The following PBLD variants were observed in gnomAD, a reference collection of about 807,000 sequenced individuals.
PBLD encodes the protein phenazine biosynthesis like protein domain containing.
A neutral mutation model predicts 31.3 loss-of-function variants in PBLD; 26 were observed. The observed-to-expected ratio is 0.83, with a 90% CI of 0.61 to 1.15. PBLD has a LOEUF of 1.15. PBLD is among the 50% of genes most tolerant of loss of function. The probability of loss-of-function intolerance (pLI) is 0.00; values close to 1 mark genes in which losing one functional copy is unlikely to be tolerated. For missense variants in PBLD, 307 were observed against 351.7 expected (o/e 0.87, Z 1.02); for synonymous variants, 114 against 129.0 (o/e 0.88, Z 0.79).
chr10:68,303,199 G>A (rs1018193153), intron 2 of PBLD, among the ~76,000 whole-genome samples: 17 of 151,800 alleles, frequency 1.1e-4, no homozygotes, highest in African/African-American at 3.4e-4. Context: ...TCAGCCTACC[G>A]AGTAGCTGGG....
intron 1 of PBLD, among the ~76,000 whole-genome samples, chr10:68,328,660 G>A (rs535368861): frequency 5.3e-5 from 8 of 152,330 alleles, no homozygotes; most frequent in African/African-American, 1.7e-4. Flanking sequence ...GCAGTCCTTG[G>A]TTTTAACCAT....
intron 1 of PBLD, among the ~76,000 whole-genome samples, chr10:68,322,867 T>C (rs779908618): frequency 1.8e-4 from 28 of 151,776 alleles, no homozygotes; most frequent in Non-Finnish European, 3.8e-4. Context: ...CTCCATTAAC[T>C]GGGACTACAG....
chr10:68,296,326 C>T lies in PBLD; in HGVS notation c.223G>A (p.Glu75Lys), dbSNP rs1443592017. The T allele has an allele frequency of 3.1e-6, 5 of 1,614,034 alleles. No homozygotes were observed. In the Admixed American group the frequency reaches 5.0e-5, roughly 16 times the overall value. The change falls in exon 4 of 10, where the codon GAG (glutamate) becomes AAG (lysine). Residue 75 changes from glutamate to lysine, a missense_variant. Transcript: ENST00000358769. ...GTGGCATGGCCACAGAGTGGGACCT[C>T]ACTCGCTGGTGTAAACCATCTCAGT... The part of the protein sequence containing the change: ...FGLRWFTPAS[E>K]VPLCGHATLA...
intron 1 of PBLD, among the ~76,000 whole-genome samples, chr10:68,308,728 A>T (rs1235886873): frequency 6.7e-6 from 1 of 149,664 alleles, no homozygotes; most frequent in Non-Finnish European, 1.5e-5. Context: ...TTTTGTAGAG[A>T]CAGGGTTTCG....
At chr10:68,307,788 C>A (rs375555395) in intron 1 of PBLD, among the ~76,000 whole-genome samples, 1 of 152,070 alleles carries the variant, frequency 6.6e-6, no homozygotes, top group Non-Finnish European at 1.5e-5. Flanking sequence ...CATGAGCCAC[C>A]GCACCCGGCC....
intron 1 of PBLD, among the ~76,000 whole-genome samples, chr10:68,315,647 A>C (rs1222443603): frequency 6.6e-6 from 1 of 152,086 alleles, no homozygotes; most frequent in Non-Finnish European, 1.5e-5. Context: ...ATATACATAC[A>C]TAGGGCTCTG....
intron 1 of PBLD, among the ~76,000 whole-genome samples, chr10:68,326,732 C>A (rs184300803): frequency 6.6e-6 from 1 of 152,240 alleles, no homozygotes; most frequent in Admixed American, 6.5e-5. Context: ...ATATAATAAC[C>A]TAACAAACCA....
Position 68,319,077 on chromosome 10 carries a change from A to AAG in PBLD, c.-59-12176_-59-12175dup, listed in dbSNP as rs1392856533. 8.2e-4 allele frequency among the ~76,000 whole-genome samples: 106 copies of AAG among 129,868 alleles called. No homozygotes were observed. The East Asian group carries it at 0.024, about 29-fold the overall frequency. The allele number at this position is 129,868 out of a possible 152,430, so 85.2% of individuals were successfully genotyped here. ...AGAGAAAGAAAGAAAGAAAGAAAGA[A>AAG]AGAAAGAAAGAAAGAAAGAAAGAAA... On this transcript the variant is annotated intron_variant, in intron 1 of 9. Transcript: ENST00000358769.
chr10:68,324,654 G>A (rs1056713554), intron 1 of PBLD, among the ~76,000 whole-genome samples: 6 of 148,548 alleles, frequency 4.0e-5, no homozygotes, highest in Non-Finnish European at 7.4e-5. Flanking sequence ...GGTGTCACTC[G>A]CCCAGACTGG....
intron 3 of PBLD, 51 bp from the exon 4 acceptor site, chr10:68,296,415 G>T (rs770395378): frequency 1.5e-6 from 2 of 1,358,192 alleles, no homozygotes; most frequent in Non-Finnish European, 2.1e-6. Flanking sequence ...ATGCAAGCAG[G>T]TCACAGATTT....
chr10:68,304,186 T>C (rs1388936652), intron 2 of PBLD, among the ~76,000 whole-genome samples: 2 of 152,236 alleles, frequency 1.3e-5, no homozygotes, highest in African/African-American at 4.8e-5. Flanking sequence ...CCACCATTTA[T>C]ACGTCTATTA....
chr10:68,326,164 G>A (rs751005538), intron 1 of PBLD, among the ~76,000 whole-genome samples: 3 of 152,104 alleles, frequency 2.0e-5, no homozygotes, highest in Non-Finnish European at 4.4e-5. Flanking sequence ...CGCCTCCTGA[G>A]TAGCTGGGAT....
chr10:68,330,346 T>C (rs978210602), intron 1 of PBLD, among the ~76,000 whole-genome samples: 7 of 152,162 alleles, frequency 4.6e-5, no homozygotes, highest in East Asian at 3.9e-4. Flanking sequence ...GAAAAAATTA[T>C]ACATCCTCCT....
At chr10:68,296,862 T>TAA (rs60698417) in intron 3 of PBLD, 24 bp downstream of exon 3, 62,881 of 1,206,300 alleles carry the variant, frequency 0.052, 425 homozygotes, top group African/African-American at 0.065. Context: ...GAACAGTTCT[T>TAA]AAAAAAAAAA....
At position 68,319,073 on chromosome 10, in the gene PBLD, AAGAAAG is replaced by A. The variant is rs760192599; in HGVS notation, c.-59-12176_-59-12171del. Among the ~76,000 whole-genome samples, 64 of 128,100 alleles carry A rather than the reference AAGAAAG, an allele frequency of 5.0e-4. 1 individual carries two copies. In the East Asian group the frequency reaches 0.012, roughly 23 times the overall value. 84.0% of individuals were successfully genotyped at this position (128,100 alleles called of 152,430 possible). A position where few individuals can be genotyped will look rare whatever the true frequency, so the allele number is the denominator to read the frequency against. On this transcript the variant is annotated intron_variant, in intron 1 of 9. Transcript: ENST00000358769. ...AGAGAGAGAAAGAAAGAAAGAAAGA[AAGAAAG>A]AAAGAAAGAAAGAAAGAAAGAAAGA...
chr10:68,296,669 C>T (rs867092563), intron 3 of PBLD, among the ~76,000 whole-genome samples: 14 of 152,154 alleles, frequency 9.2e-5, no homozygotes, highest in African/African-American at 3.1e-4. Context: ...CATTCCCCCA[C>T]CTAAAAAATA....
At chr10:68,299,106 C>CG (rs1554858100) in intron 2 of PBLD, among the ~76,000 whole-genome samples, 1 of 78,986 alleles carries the variant, frequency 1.3e-5, no homozygotes, top group African/African-American at 5.2e-5. Context: ...GAGTCCGTCT[C>CG]AAAAAAAAAA....
At chr10:68,304,904 C>T (rs1272852309) in intron 2 of PBLD, among the ~76,000 whole-genome samples, 2 of 152,186 alleles carry the variant, frequency 1.3e-5, no homozygotes, top group East Asian at 1.9e-4. Flanking sequence ...TCTTCCCAAA[C>T]TCTTGTAATA....
chr10:68,308,944 T>C (rs1171069736), intron 1 of PBLD, among the ~76,000 whole-genome samples: 1 of 149,712 alleles, frequency 6.7e-6, no homozygotes, highest in Non-Finnish European at 1.5e-5. Context: ...ACCACGTAAA[T>C]GTAGGAAAAT....
Sources: allele counts gnomAD v4.1 joint callset (sites outside exome capture counted in the v4.1 genomes callset), GRCh38; gene constraint gnomAD v4.1.1; transcripts MANE v1.5; gene names NCBI Gene and HGNC (gene_info 2026-07-23, HGNC 2026-07-21).